The following USP53 variants were observed in gnomAD, a reference collection of about 807,000 sequenced individuals.
USP53 encodes the protein ubiquitin specific peptidase 53.
USP53 carries 71 observed loss-of-function variants against 94.9 expected under a neutral mutation model. The observed-to-expected ratio is 0.75, with a 90% CI of 0.62 to 0.91. USP53 has a LOEUF of 0.91. USP53 is among the 40% of genes least tolerant of loss of function. The probability of loss-of-function intolerance (pLI) is 0.00; values close to 1 mark genes in which losing one functional copy is unlikely to be tolerated. For synonymous variants in USP53, 375 were observed against 422.7 expected (o/e 0.89, Z 1.39); for missense variants, 1,173 against 1,281.0 (o/e 0.92, Z 1.29).
intron 16 of USP53, chr4:119,272,700 G>C (rs955715757): frequency 6.6e-6 from 1 of 152,076 alleles, no homozygotes; most frequent in South Asian, 2.1e-4. Flanking sequence ...CTATGCCCAG[G>C]CTGTTGTTTA....
intron 17 of USP53, among the ~76,000 whole-genome samples, chr4:119,290,564 A>G (rs1356003509): frequency 2.6e-5 from 4 of 152,226 alleles, no homozygotes; most frequent in Non-Finnish European, 5.9e-5. Context: ...TAAATGAAAT[A>G]TCCACTTCTC....
chr4:119,256,551 A>G, intron 9 of USP53, 28 bp downstream of exon 9: 1 of 1,599,030 alleles, frequency 6.3e-7, no homozygotes, highest in South Asian at 1.1e-5. Flanking sequence ...CTTAATTATC[A>G]ACGATATTAA....
At chr4:119,225,181 A>T (rs1049021248) in intron 3 of USP53, among the ~76,000 whole-genome samples, 2 of 152,170 alleles carry the variant, frequency 1.3e-5, no homozygotes, top group African/African-American at 4.8e-5. Context: ...TTTGCCAATA[A>T]ATTTGACAAC....
chr4:119,257,045 C>T (rs979505117), intron 9 of USP53, among the ~76,000 whole-genome samples: 1 of 152,196 alleles, frequency 6.6e-6, no homozygotes, highest in African/African-American at 2.4e-5. Context: ...CACTCTCTCC[C>T]TTTCTGTCCA....
chr4:119,283,276 A>G (rs1262112423), intron 17 of USP53, among the ~76,000 whole-genome samples: 1 of 152,028 alleles, frequency 6.6e-6, no homozygotes, highest in Non-Finnish European at 1.5e-5. Context: ...GTCAGGAGAA[A>G]GCATCACATA....
chr4:119,213,397 A>G (rs1273456128), intron 1 of USP53, among the ~76,000 whole-genome samples: 1 of 151,916 alleles, frequency 6.6e-6, no homozygotes, highest in East Asian at 1.9e-4. Flanking sequence ...GTGGTGATGT[A>G]TATAAAGTTA....
chr4:119,257,204 G>A (rs1037731986), intron 9 of USP53, among the ~76,000 whole-genome samples: 13 of 152,158 alleles, frequency 8.5e-5, no homozygotes, highest in African/African-American at 3.1e-4. Flanking sequence ...TACATTGGGA[G>A]GCCAAGGCAG....
intron 12 of USP53, among the ~76,000 whole-genome samples, chr4:119,263,528 A>T (rs1379582572): frequency 6.6e-6 from 1 of 152,226 alleles, no homozygotes; most frequent in East Asian, 1.9e-4. Flanking sequence ...TGATTTGTGC[A>T]TGTGAGGGGT....
chr4:119,213,066 G>GC (rs1356127736), intron 1 of USP53, 193 bp downstream of exon 1: 1 of 153,032 alleles, frequency 6.5e-6, no homozygotes, highest in African/African-American at 2.4e-5. Context: ...AGGTCACGCA[G>GC]CCCTTTCGCC....
At chr4:119,225,384 T>C (rs545115986) in intron 3 of USP53, among the ~76,000 whole-genome samples, 3 of 152,174 alleles carry the variant, frequency 2.0e-5, no homozygotes, top group Admixed American at 1.3e-4. Flanking sequence ...TAATAGCAGG[T>C]CTACATAAAC....
At chr4:119,279,094 C>T (rs1478380747) in intron 17 of USP53, among the ~76,000 whole-genome samples, 2 of 147,788 alleles carry the variant, frequency 1.4e-5, no homozygotes, top group Admixed American at 6.8e-5. Flanking sequence ...GCCTTCTTCT[C>T]TCAGCTCGTC....
chr4:119,245,096 G>A (rs1748046967), intron 5 of USP53, among the ~76,000 whole-genome samples: 1 of 152,160 alleles, frequency 6.6e-6, no homozygotes, highest in Admixed American at 6.5e-5. Context: ...GCTTGTCATA[G>A]TTTTTCATGT....
chr4:119,292,413 A>G lies in USP53; in HGVS notation c.2424A>G (p.Arg808=), dbSNP rs769199985. The part of the protein sequence containing the change: ...SLQIPKDHNA[R]EHIHQSDEQK... ...AAATACCCAAGGACCATAATGCAAG[A>G]GAACATATCCACCAGTCAGATGAAC... The change falls in exon 19 of 19, where the codon AGA becomes AGG. Residue 808 remains arginine, a synonymous_variant. Transcript: ENST00000692078. 1 of 1,614,006 alleles carries G rather than the reference A, an allele frequency of 6.2e-7. No homozygotes were observed. Among genetic ancestry groups the G allele is most frequent in the Non-Finnish European group, 8.5e-7 (1 of 1,179,904 alleles).
intron 17 of USP53, among the ~76,000 whole-genome samples, chr4:119,275,388 G>C (rs1321022538): frequency 7.9e-6 from 1 of 126,076 alleles, no homozygotes; most frequent in Non-Finnish European, 1.8e-5. Context: ...TCTCAGGTTT[G>C]TCAAAGATCA....
At chr4:119,248,969 ATTTAGAACAATAGAAAAATGTCAAAAC>A in intron 7 of USP53, 87 bp downstream of exon 7, 1 of 1,518,772 alleles carries the variant, frequency 6.6e-7, no homozygotes, top group Non-Finnish European at 8.9e-7. Flanking sequence ...TGAAACAAAA[ATTTAGAACAATAGAAAAATGTCAAAAC>A]TGTCCAGTAG....
At position 119,239,348 on chromosome 4, in the gene USP53, C is replaced by T. The variant is rs1747218163; in HGVS notation, c.-412C>T. On this transcript the variant is annotated 5_prime_UTR_variant, in exon 5 of 19. Transcript: ENST00000692078. ...ACAACCAAAGGAATCATGCCAAATG[C>T]CAACTCTACATCTTTTTGTATTATT... is the stretch of plus-strand genomic sequence containing the variant. The T allele has an allele frequency of 6.0e-6, 1 of 166,824 alleles. No individual in the cohort carries two copies. The highest frequency in any genetic ancestry group is 2.4e-5 in the African/African-American group (1 of 42,092). 10.3% of individuals were successfully genotyped at this position (166,824 alleles called of 1,614,324 possible). A position where few individuals can be genotyped will look rare whatever the true frequency, so the allele number is the denominator to read the frequency against.
chr4:119,294,912 A>C lies in USP53; in HGVS notation c.*1701A>C, dbSNP rs1755114565. 1.3e-5 allele frequency: 2 copies of C among 152,120 alleles called. No homozygotes were observed. The highest frequency in any genetic ancestry group is 4.8e-5 in the African/African-American group (2 of 41,444). 9.4% of individuals were successfully genotyped at this position (152,120 alleles called of 1,614,324 possible). On this transcript the variant is annotated 3_prime_UTR_variant, in exon 19 of 19. Transcript: ENST00000692078. ...TTTTTAACATAATTTTTTAGTGTGG[A>C]GGGTTTGTAAATAATGTAAAGTTTG...
chr4:119,259,746 C>T (rs1750255983), intron 9 of USP53, 74 bp from the exon 10 acceptor site: 1 of 1,134,464 alleles, frequency 8.8e-7, no homozygotes, highest in African/African-American at 1.6e-5. Context: ...TCTAAACTGA[C>T]AATATTTTTC....
intron 15 of USP53, 64 bp from the exon 16 acceptor site, chr4:119,271,232 G>T: frequency 1.3e-6 from 2 of 1,500,476 alleles, no homozygotes; most frequent in Non-Finnish European, 1.8e-6. Context: ...ACAGGTATTT[G>T]CCTTGTGACT....
Sources: allele counts gnomAD v4.1 joint callset (sites outside exome capture counted in the v4.1 genomes callset), GRCh38; gene constraint gnomAD v4.1.1; transcripts MANE v1.5; gene names NCBI Gene and HGNC (gene_info 2026-07-23, HGNC 2026-07-21).